Variants in NLRP5 observed in about 807,000 individuals in gnomAD.
NLRP5 encodes NLR family pyrin domain containing 5.
In NLRP5, 93 loss-of-function variants were observed where a neutral mutation model predicts 113.1. That is an observed-to-expected ratio of 0.82 (90% CI 0.70 to 0.98). NLRP5 has a LOEUF of 0.98. Among genes scored for constraint, NLRP5 ranks in the 50% least tolerant of loss-of-function variants. NLRP5 has a pLI of 0.00. For synonymous variants in NLRP5, 751 were observed against 600.7 expected (o/e 1.25, Z -3.66); for missense variants, 1,808 against 1,514.3 (o/e 1.19, Z -3.22).
intron 7 of NLRP5, among the ~76,000 whole-genome samples, chr19:56,029,224 G>T (rs552126080): frequency 7.2e-6 from 1 of 139,738 alleles, no homozygotes; most frequent in East Asian, 2.0e-4. Flanking sequence ...TGGTGAGTGA[G>T]ACTGTGGAGG....
At chr19:56,009,545 T>G (rs1295416629) in intron 3 of NLRP5, among the ~76,000 whole-genome samples, 1 of 152,042 alleles carries the variant, frequency 6.6e-6, no homozygotes, top group Non-Finnish European at 1.5e-5. Flanking sequence ...ACTGACCTCA[T>G]GCCAGCCACT....
intron 13 of NLRP5, among the ~76,000 whole-genome samples, chr19:56,055,647 C>A (rs549379203): frequency 6.8e-6 from 1 of 148,118 alleles, no homozygotes; most frequent in Non-Finnish European, 1.5e-5. Flanking sequence ...CCAGGTTCAC[C>A]CCATTCTCCT....
the NLRP5 span, among the ~76,000 whole-genome samples, chr19:55,986,911 C>T: frequency 2.0e-5 from 3 of 152,170 alleles, no homozygotes; most frequent in African/African-American, 7.2e-5. Context: ...ACTAGGTGCC[C>T]CCACCCTCTC....
intron 1 of NLRP5, among the ~76,000 whole-genome samples, chr19:56,001,770 T>G (rs1981660996): frequency 6.6e-6 from 1 of 152,204 alleles, no homozygotes; most frequent in South Asian, 2.1e-4. Flanking sequence ...AATGTACAGA[T>G]GTCAAGCAAG....
intron 14 of NLRP5, among the ~76,000 whole-genome samples, chr19:56,058,718 C>T (rs1459870630): frequency 6.6e-6 from 1 of 152,198 alleles, no homozygotes; most frequent in Admixed American, 6.6e-5. Flanking sequence ...AGCAATCTTA[C>T]TTCTGAGTAT....
upstream of NLRP5, among the ~76,000 whole-genome samples, chr19:55,998,743 T>TAA (rs1555762470): frequency 6.9e-6 from 1 of 145,338 alleles, no homozygotes; most frequent in African/African-American, 2.6e-5. Flanking sequence ...TATATATATA[T>TAA]ACACACACTT....
chr19:56,029,677 G>T (rs1261766119), intron 7 of NLRP5, among the ~76,000 whole-genome samples: 1 of 152,254 alleles, frequency 6.6e-6, no homozygotes, highest in East Asian at 1.9e-4. Flanking sequence ...CCAGAACACA[G>T]CAGTGACGAA....
At chr19:56,042,917 A>G (rs1983573977) in intron 11 of NLRP5, among the ~76,000 whole-genome samples, 1 of 151,792 alleles carries the variant, frequency 6.6e-6, no homozygotes, top group South Asian at 2.1e-4. Context: ...GTCACTGCAA[A>G]TGCTGTTAAT....
chr19:56,032,836 C>G (rs1983175174), intron 8 of NLRP5, 55 bp downstream of exon 8: 2 of 1,510,874 alleles, frequency 1.3e-6, no homozygotes, highest in African/African-American at 2.7e-5. Context: ...TATCCCAGCT[C>G]TCCCCTACCT....
intron 11 of NLRP5, among the ~76,000 whole-genome samples, chr19:56,042,783 T>C (rs1345282506): frequency 2.6e-5 from 4 of 152,144 alleles, no homozygotes; most frequent in Non-Finnish European, 5.9e-5. Flanking sequence ...CCAAAGTCCA[T>C]TGTATCATTC....
chr19:56,033,776 A>G, intron 9 of NLRP5, 67 bp downstream of exon 9: 4 of 1,377,308 alleles, frequency 2.9e-6, no homozygotes. Flanking sequence ...ATGATTACAT[A>G]AAGTGGCAAA....
Position 56,028,424 on chromosome 19 carries a change from C to T in NLRP5, c.2191C>T (p.Pro731Ser), listed in dbSNP as rs747733412. 6.2e-7 allele frequency: 1 copy of T among 1,613,938 alleles called. No homozygotes were observed. Among genetic ancestry groups the T allele is most frequent in the African/African-American group, 1.3e-5 (1 of 75,062 alleles). ...ATCTTCCTTCTGCCTCCAGCACTGT[C>T]CGTATTTGCGGAAAATTCGGGTGGA... Residue 731 changes from proline to serine, a missense_variant, in exon 7 of 15, where the codon CCG becomes TCG. Transcript: ENST00000390649.
chr19:56,061,184 G>C (rs1984339499), intron 14 of NLRP5, among the ~76,000 whole-genome samples: 1 of 152,136 alleles, frequency 6.6e-6, no homozygotes, highest in African/African-American at 2.4e-5. Context: ...AAGTGGAGGG[G>C]GAGTCTCCAT....
At chr19:56,010,405 G>GA (rs1163771989) in intron 3 of NLRP5, among the ~76,000 whole-genome samples, 1 of 152,094 alleles carries the variant, frequency 6.6e-6, no homozygotes, top group Non-Finnish European at 1.5e-5. Flanking sequence ...CATCATAGGG[G>GA]ATCACAGGCC....
intron 3 of NLRP5, among the ~76,000 whole-genome samples, chr19:56,014,324 A>G (rs1982322676): frequency 6.6e-6 from 1 of 151,994 alleles, no homozygotes; most frequent in African/African-American, 2.4e-5. Flanking sequence ...ACTAAAATAC[A>G]AAAAAATCCA....
chr19:55,996,826 T>C (rs1981340911), upstream of NLRP5, among the ~76,000 whole-genome samples: 1 of 152,196 alleles, frequency 6.6e-6, no homozygotes, highest in African/African-American at 2.4e-5. Context: ...AGCAACATGA[T>C]TTATAATCCT....
At chr19:56,025,433 T>G (rs1328251554) in intron 6 of NLRP5, among the ~76,000 whole-genome samples, 1 of 151,678 alleles carries the variant, frequency 6.6e-6, no homozygotes, top group East Asian at 1.9e-4. Context: ...TGAGATGGAG[T>G]CTCGCTCTGT....
intron 3 of NLRP5, among the ~76,000 whole-genome samples, chr19:56,012,249 C>T (rs1026539190): frequency 1.1e-4 from 16 of 151,914 alleles, no homozygotes; most frequent in African/African-American, 3.6e-4. Flanking sequence ...CCCAGGTTCA[C>T]ACCATTCTCC....
chr19:56,000,927 A>G lies in NLRP5; in HGVS notation c.62+1140A>G, dbSNP rs972756600. ...AGGCTGAGGCAGGAGAATCGATTGA[A>G]CCCAGGAAGCAGAGGTTTGCAGCAA... On this transcript the variant is annotated intron_variant, in intron 1 of 14. Transcript: ENST00000390649. Among the ~76,000 whole-genome samples the G allele has an allele frequency of 2.0e-5, 3 of 151,702 alleles. No individual in the cohort carries two copies. The East Asian group carries it at 5.9e-4, about 30-fold the overall frequency.
Sources: gnomAD v4.1 joint callset for allele counts (sites outside exome capture counted in the v4.1 genomes callset) on GRCh38, gnomAD v4.1.1 for gene constraint, MANE v1.5 for transcripts, NCBI Gene and HGNC (gene_info 2026-07-23, HGNC 2026-07-21) for gene names.